CLEC4C: variants seen among roughly 807,000 people sequenced by gnomAD.
The protein encoded by CLEC4C is C-type lectin domain family 4 member C.
A neutral mutation model predicts 27.7 loss-of-function variants in CLEC4C; 17 were observed. The ratio of observed to expected loss-of-function variants is 0.61; its 90% confidence interval spans 0.42 to 0.92. CLEC4C has a LOEUF of 0.92. Among genes scored for constraint, CLEC4C ranks in the 40% least tolerant of loss-of-function variants. CLEC4C has a pLI of 0.00. For missense variants in CLEC4C, 244 were observed against 257.3 expected (o/e 0.95, Z 0.35); for synonymous variants, 80 against 80.8 (o/e 0.99, Z 0.06).
At position 7,739,516 on chromosome 12, in the gene CLEC4C, C is replaced by T. The variant is rs117121134; in HGVS notation, c.235+1905G>A. On this transcript the variant is annotated intron_variant, in intron 3 of 5. Coordinates refer to ENST00000360345, the MANE Select transcript of CLEC4C (RefSeq NM_001371390.1). ...TTCTGGGGTGGAACTTGTCTCCCTC[C>T]GGCTCTGCATACGACGCTGTAGGCA... Among the ~76,000 whole-genome samples the T allele has an allele frequency of 4.2e-3, 633 of 152,120 alleles. 7 individuals carry two copies. The South Asian group carries it at 0.044, about 11-fold the overall frequency.
At chr12:7,745,119 A>C (rs1265053429) in intron 2 of CLEC4C, among the ~76,000 whole-genome samples, 1 of 152,078 alleles carries the variant, frequency 6.6e-6, no homozygotes, top group East Asian at 1.9e-4. Flanking sequence ...CGTCCTCCCC[A>C]AGTTCATATA....
intron 5 of CLEC4C, among the ~76,000 whole-genome samples, chr12:7,729,973 T>C (rs17198992): frequency 0.18 from 27,901 of 152,152 alleles, 2,774 homozygotes; most frequent in East Asian, 0.31. Flanking sequence ...TACTCTGTCA[T>C]CTTAATCAAC....
intron 2 of CLEC4C, among the ~76,000 whole-genome samples, chr12:7,745,986 T>C (rs781192120): frequency 7.9e-5 from 12 of 151,544 alleles, no homozygotes; most frequent in East Asian, 3.9e-4. Flanking sequence ...GAGGCCAAGG[T>C]GGGCGGATCA....
chr12:7,732,950 T>C (rs1469623981), intron 4 of CLEC4C, among the ~76,000 whole-genome samples: 1 of 151,816 alleles, frequency 6.6e-6, no homozygotes, highest in Non-Finnish European at 1.5e-5. Flanking sequence ...AGCAACATTC[T>C]GTCTCAAAAA....
At chr12:7,745,131 G>A (rs1409760792) in intron 2 of CLEC4C, among the ~76,000 whole-genome samples, 3 of 152,090 alleles carry the variant, frequency 2.0e-5, no homozygotes, top group African/African-American at 4.8e-5. Flanking sequence ...GTTCATATAT[G>A]GAAGTCCCAA....
At chr12:7,736,826 C>T (rs927840803) in intron 4 of CLEC4C, among the ~76,000 whole-genome samples, 6 of 151,818 alleles carry the variant, frequency 4.0e-5, no homozygotes, top group Admixed American at 6.6e-5. Flanking sequence ...TGGTGTGAAC[C>T]CGGGAGGCTG....
chr12:7,746,708 T>G (rs1267840867), intron 1 of CLEC4C, among the ~76,000 whole-genome samples: 1 of 152,186 alleles, frequency 6.6e-6, no homozygotes, highest in East Asian at 1.9e-4. Flanking sequence ...GCCTCAAACT[T>G]CCAGGCTTAA....
chr12:7,730,944 A>G (rs1405314988), intron 4 of CLEC4C, 32 bp from the exon 5 acceptor site: 1 of 1,126,206 alleles, frequency 8.9e-7, no homozygotes. Context: ...GTCATAGCTG[A>G]TAGAGCAGGA....
chr12:7,749,034 C>T (rs991561955), upstream of CLEC4C: 1 of 152,192 alleles, frequency 6.6e-6, no homozygotes, highest in African/African-American at 2.4e-5. Flanking sequence ...AGTCCCAACC[C>T]AGGGTTATGG....
chr12:7,741,373 A>G (rs1864849881), intron 3 of CLEC4C, 48 bp downstream of exon 3: 1 of 1,032,324 alleles, frequency 9.7e-7, no homozygotes, highest in Non-Finnish European at 1.5e-6. Flanking sequence ...CAGACTAGGA[A>G]TTTGATTAAT....
intron 2 of CLEC4C, among the ~76,000 whole-genome samples, chr12:7,743,496 T>C (rs1055941195): frequency 6.6e-6 from 1 of 151,868 alleles, no homozygotes; most frequent in African/African-American, 2.4e-5. Context: ...GCCATTCTCC[T>C]GCCTCAGCCT....
rs748778386 is a variant in CLEC4C, at chr12:7,747,223, T to A, written c.31+95A>T. The A allele has an allele frequency of 5.4e-4, 575 of 1,071,398 alleles. 7 individuals are homozygous for A. In the South Asian group the frequency reaches 6.6e-3, roughly 12 times the overall value. 66.4% of individuals were successfully genotyped at this position (1,071,398 alleles called of 1,614,324 possible). On this transcript the variant is annotated intron_variant, in intron 1 of 5. Transcript: ENST00000360345. ...TATTATTTATGAAAAGCTGTCTACT[T>A]CTTCTTCCAAAGTCATCCCTATCAC... is the stretch of plus-strand genomic sequence containing the variant.
chr12:7,742,730 G>A (rs55841017), intron 2 of CLEC4C, among the ~76,000 whole-genome samples: 33,155 of 151,074 alleles, frequency 0.22, 4,324 homozygotes, highest in Admixed American at 0.32. Context: ...GAATCACTTC[G>A]ACCTGGGAGG....
Position 7,729,537 on chromosome 12 carries a change from T to G in CLEC4C, c.*59A>C. The G allele has an allele frequency of 6.6e-7, 1 of 1,525,598 alleles. No homozygotes were observed. 94.5% of individuals were successfully genotyped at this position (1,525,598 alleles called of 1,614,324 possible). ...ACTTACACATAAATTAAAAAATCAA[T>G]TTAGCTTTCTACAACGGTGGATGCC... On this transcript the variant is annotated 3_prime_UTR_variant, in exon 6 of 6. Coordinates refer to ENST00000360345, the MANE Select transcript of CLEC4C (RefSeq NM_001371390.1).
At chr12:7,736,813 G>C (rs1168956285) in intron 4 of CLEC4C, among the ~76,000 whole-genome samples, 1 of 152,124 alleles carries the variant, frequency 6.6e-6, no homozygotes, top group Non-Finnish European at 1.5e-5. Context: ...GGAGGCAGGA[G>C]AATGGTGTGA....
At chr12:7,746,629 G>A (rs1433169577) in intron 1 of CLEC4C, among the ~76,000 whole-genome samples, 1 of 152,090 alleles carries the variant, frequency 6.6e-6, no homozygotes, top group East Asian at 1.9e-4. Flanking sequence ...ACAAATCCAG[G>A]CAAAACTCTC....
upstream of CLEC4C, among the ~76,000 whole-genome samples, chr12:7,748,270 A>G (rs1865030966): frequency 6.6e-6 from 1 of 152,166 alleles, no homozygotes; most frequent in African/African-American, 2.4e-5. Flanking sequence ...GCTCATGCCT[A>G]TAATCCCAGC....
intron 4 of CLEC4C, among the ~76,000 whole-genome samples, chr12:7,733,481 CTTTTT>C (rs762051121): frequency 8.3e-6 from 1 of 119,832 alleles, no homozygotes; most frequent in Admixed American, 9.3e-5. Flanking sequence ...CCAAGCTGGT[CTTTTT>C]TTTTTTTTTT....
intron 2 of CLEC4C, among the ~76,000 whole-genome samples, chr12:7,741,760 G>C (rs370264655): frequency 1.4e-4 from 21 of 152,274 alleles, no homozygotes; most frequent in African/African-American, 4.1e-4. Context: ...GCCAGGCACA[G>C]TGGCTCACAC....
Sources: allele counts gnomAD v4.1 joint callset (sites outside exome capture counted in the v4.1 genomes callset), GRCh38; gene constraint gnomAD v4.1.1; transcripts MANE v1.5; gene names NCBI Gene and HGNC (gene_info 2026-07-23, HGNC 2026-07-21).